Variants in TAF4 observed in about 807,000 individuals in gnomAD.
TAF4 encodes transcription initiation factor TFIID subunit 4.
In TAF4, 9 loss-of-function variants were observed where a neutral mutation model predicts 90.3. The observed-to-expected ratio is 0.10, with a 90% confidence interval of 0.06 to 0.17. TAF4 has a LOEUF of 0.17. Ranked by LOEUF, TAF4 falls within the 10% of genes least tolerant of loss-of-function variation. The pLI, the probability that TAF4 is intolerant of heterozygous loss-of-function variation, is 1.00. For synonymous variants in TAF4, 818 were observed against 638.9 expected (o/e 1.28, Z -4.23); for missense variants, 1,351 against 1,370.7 (o/e 0.99, Z 0.23).
intron 1 of TAF4, among the ~76,000 whole-genome samples, chr20:62,018,859 T>G (rs2055827338): frequency 6.6e-6 from 1 of 152,298 alleles, no homozygotes; most frequent in Non-Finnish European, 1.5e-5. Context: ...TTCCAGGTGG[T>G]GACGGGATGG....
In TAF4 at chr20:62,064,954, TG is replaced by T; in HGVS notation, c.856del (p.His286ThrfsTer123). On this transcript the variant is annotated frameshift_variant, in exon 1 of 15. Transcript: ENST00000252996. LOFTEE classifies it high-confidence loss of function. ...APATLARPPG[H>X]PAGPPTAAPA... Reference sequence around the variant, plus strand: ...CGCGGCGGTCGGGGGTCCGGCGGGGTGGCCGGGCGGCCGGGCCAGAGTGGCG... The same window carrying T: ...CGCGGCGGTCGGGGGTCCGGCGGGGTGCCGGGCGGCCGGGCCAGAGTGGCG... 1 of 389,286 alleles carries T rather than the reference TG, an allele frequency of 2.6e-6. No individual in the cohort carries two copies. Among genetic ancestry groups the T allele is most frequent in the Non-Finnish European group, 3.0e-6 (1 of 328,118 alleles). The allele number at this position is 389,286 out of a possible 1,614,324, so 24.1% of individuals were successfully genotyped here. A position where few individuals can be genotyped will look rare whatever the true frequency, so the allele number is the denominator to read the frequency against.
At position 61,976,316 on chromosome 20, in the gene TAF4, A is replaced by G; in HGVS notation, c.3110T>C (p.Val1037Ala). 6.2e-7 allele frequency: 1 copy of G among 1,613,572 alleles called. No individual in the cohort carries two copies. The highest frequency in any genetic ancestry group is 2.2e-5 in the East Asian group (1 of 44,868). The change falls in exon 15 of 15, where the codon GTG becomes GCG. Residue 1037 changes from valine (V) to alanine (A), a missense_variant. Physicochemically the swap from Val to Ala is moderately conservative, Grantham distance 64. Coordinates refer to ENST00000252996, the MANE Select transcript of TAF4 (RefSeq NM_003185.4). Reference protein sequence around the residue: ...SGAEGSGPGSVVPGSSGVGTP... With the variant: ...SGAEGSGPGSAVPGSSGVGTP... ...TCCGACACCCGAGCTGCCTGGGACC[A>G]CTGAGCCGGGGCCCGACCCCTGGTG...
At chr20:62,002,379 T>C (rs1173343637) in intron 9 of TAF4, among the ~76,000 whole-genome samples, 1 of 152,132 alleles carries the variant, frequency 6.6e-6, no homozygotes, top group Non-Finnish European at 1.5e-5. Flanking sequence ...CCACCGCCCC[T>C]TGATCACAAC....
Position 62,000,741 on chromosome 20 carries a change from A to T in TAF4, c.2487-20T>A. On this transcript the variant is annotated intron_variant, in intron 9 of 14. Coordinates refer to ENST00000252996, the MANE Select transcript of TAF4 (RefSeq NM_003185.4). ...TCGTCCCTTGAGGAAAGAAGGGAAG[A>T]TCACTTTAACTGTACAAGGAATTCA... is the stretch of plus-strand genomic sequence containing the variant. 5 of 1,613,838 alleles carry T rather than the reference A, an allele frequency of 3.1e-6. No individual in the cohort carries two copies. The highest frequency in any genetic ancestry group is 4.2e-6 in the Non-Finnish European group (5 of 1,179,768).
At chr20:61,985,712 CT>C (rs1430393210) in intron 14 of TAF4, among the ~76,000 whole-genome samples, 41 of 151,346 alleles carry the variant, frequency 2.7e-4, no homozygotes, top group African/African-American at 9.5e-4. Context: ...TGACGTCAGA[CT>C]AGATCCTGAG....
chr20:61,988,613 AG>A (rs1266382129), intron 14 of TAF4, among the ~76,000 whole-genome samples: 2 of 152,374 alleles, frequency 1.3e-5, no homozygotes, highest in East Asian at 3.9e-4. Flanking sequence ...TCTTTGATGA[AG>A]AAAGGTGTCT....
chr20:62,054,574 C>G (rs1045717540), intron 1 of TAF4, among the ~76,000 whole-genome samples: 8 of 152,298 alleles, frequency 5.3e-5, no homozygotes, highest in Non-Finnish European at 8.8e-5. Context: ...GCTGACAGCT[C>G]TTTGCTCTGG....
At chr20:61,982,172 C>CACCT (rs1568920666) in intron 14 of TAF4, among the ~76,000 whole-genome samples, 6 of 4,222 alleles carry the variant, frequency 1.4e-3, no homozygotes, top group Admixed American at 2.8e-3. Flanking sequence ...ACACCCCACC[C>CACCT]GAGAGGAGAC....
At chr20:62,002,843 G>A (rs2055715512) in intron 9 of TAF4, among the ~76,000 whole-genome samples, 1 of 152,148 alleles carries the variant, frequency 6.6e-6, no homozygotes, top group Admixed American at 6.5e-5. Context: ...GGAAAGTGAA[G>A]CATTCTATAC....
chr20:62,008,321 G>A (rs2055759140), intron 5 of TAF4: 1 of 152,498 alleles, frequency 6.6e-6, no homozygotes, highest in South Asian at 2.1e-4. Flanking sequence ...GGCACGGTAA[G>A]ACCAGCCACT....
chr20:62,050,966 C>T (rs2056023817), intron 1 of TAF4, among the ~76,000 whole-genome samples: 2 of 152,214 alleles, frequency 1.3e-5, no homozygotes, highest in South Asian at 2.1e-4. Context: ...GCCCCTCCCA[C>T]AGAGCAGCTC....
chr20:62,004,243 A>C (rs1194371241), intron 7 of TAF4, among the ~76,000 whole-genome samples: 1 of 152,116 alleles, frequency 6.6e-6, no homozygotes, highest in Non-Finnish European at 1.5e-5. Context: ...CTGCCCCCCA[A>C]ATATTAGCAG....
At chr20:61,982,689 G>A (rs1312887374) in intron 14 of TAF4, among the ~76,000 whole-genome samples, 55 of 56,440 alleles carry the variant, frequency 9.7e-4, no homozygotes, top group African/African-American at 3.7e-3. Context: ...CCTGAGAGGA[G>A]ACACCAAACC....
chr20:61,990,074 G>A (rs182335483), intron 14 of TAF4, among the ~76,000 whole-genome samples: 1 of 152,310 alleles, frequency 6.6e-6, no homozygotes, highest in East Asian at 1.9e-4. Flanking sequence ...TGCTATGCTG[G>A]GGGTGGTAGC....
chr20:62,013,758 G>A (rs969761888), intron 2 of TAF4, among the ~76,000 whole-genome samples: 4 of 152,224 alleles, frequency 2.6e-5, no homozygotes, highest in African/African-American at 7.2e-5. Flanking sequence ...AACACGCAGC[G>A]TGCGGGCACG....
chr20:62,021,529 G>A (rs772019573), intron 1 of TAF4, among the ~76,000 whole-genome samples: 9 of 152,382 alleles, frequency 5.9e-5, no homozygotes, highest in Middle Eastern at 3.4e-3. Context: ...GCCAAGGGCC[G>A]TGCGCGCCCA....
In TAF4 at chr20:62,065,118, G is replaced by A. The variant is rs1306798844; in HGVS notation, c.693C>T (p.Pro231=). ...GPAALLPLPK[P]AAPGTVIQTP... is the part of the protein sequence containing the mutation. ...TCTGGATGACAGTGCCGGGGGCGGC[G>A]GGCTTGGGCAGCGGCAGCAGCGCGG... The change falls in exon 1 of 15, where the codon CCC becomes CCT. Residue 231 remains proline, a synonymous_variant. Transcript: ENST00000252996. The A allele has an allele frequency of 2.7e-6, 3 of 1,131,172 alleles. No homozygotes were observed. The highest frequency in any genetic ancestry group is 6.9e-5 in the Admixed American group (2 of 28,924). 70.1% of individuals were successfully genotyped at this position (1,131,172 alleles called of 1,614,324 possible).
chr20:62,034,796 T>C (rs2055923102), intron 1 of TAF4, among the ~76,000 whole-genome samples: 1 of 151,916 alleles, frequency 6.6e-6, no homozygotes, highest in South Asian at 2.1e-4. Flanking sequence ...ATATACCATA[T>C]TCATGGATAT....
intron 4 of TAF4, among the ~76,000 whole-genome samples, 198 bp downstream of exon 4, chr20:62,009,848 A>C (rs2055768135): frequency 6.6e-6 from 1 of 152,146 alleles, no homozygotes; most frequent in Admixed American, 6.5e-5. Context: ...TCTGCGGTCT[A>C]AGGCCCTCGG....
Sources: gnomAD v4.1 joint callset for allele counts (sites outside exome capture counted in the v4.1 genomes callset) on GRCh38, gnomAD v4.1.1 for gene constraint, MANE v1.5 for transcripts, NCBI Gene and HGNC (gene_info 2026-07-23, HGNC 2026-07-21) for gene names.